Variants in FNDC11 observed in about 807,000 individuals in gnomAD.
FNDC11 encodes the protein fibronectin type III domain-containing protein 11.
Under a neutral mutation model 15.8 loss-of-function variants are expected in FNDC11, and 15 were observed. That is an observed-to-expected ratio of 0.95 (90% CI 0.63 to 1.46). The LOEUF is 1.46. Ranked by LOEUF, FNDC11 falls within the 40% of genes most tolerant of loss-of-function variation. The pLI is 0.00. For missense variants in FNDC11, 416 were observed against 443.4 expected, an observed-to-expected ratio of 0.94 and a Z score of 0.55; for synonymous variants, 190 against 203.1, an observed-to-expected ratio of 0.94 and a Z score of 0.55.
At chr20:63,553,426 A>G (rs1200455987), upstream of FNDC11, among the ~76,000 whole-genome samples, 3 of 121,188 alleles carry the variant, frequency 2.5e-5, no homozygotes, top group African/African-American at 3.2e-5. Flanking sequence ...CCGCGGTGGG[A>G]GGAGCCTGCG....
At position 63,556,068 on chromosome 20, in the gene FNDC11, T is replaced by C. The variant is rs775173644; in HGVS notation, c.405T>C (p.His135=). 1.3e-6 allele frequency: 2 copies of C among 1,599,584 alleles called. No individual in the cohort carries two copies. Among genetic ancestry groups the C allele is most frequent in the African/African-American group, 2.7e-5 (2 of 74,934 alleles). The change falls in exon 2 of 2, where the codon CAT becomes CAC. Residue 135 remains histidine, a synonymous_variant. Transcript: ENST00000370097. ...LLGDLLEQLD[H]GRAELDALLR... ...GGGACCTGTTGGAACAGCTCGACCA[T>C]GGCCGTGCTGAGCTGGATGCCCTGC...
rs767002479 is a variant in FNDC11, at chr20:63,556,009, A to G, written c.346A>G (p.Thr116Ala). ...GTTCCAGCGCATGAAGAAGGTGGGC[A>G]CAGCTCAGACCAAGATCCAGCTCCT... ...WKFQRMKKVG[T>A]AQTKIQLLLL... is the part of the protein sequence containing the mutation. The change falls in exon 2 of 2, where the codon ACA becomes GCA. Residue 116 changes from threonine (T) to alanine (A), a missense_variant. Transcript: ENST00000370097. 8 of 1,600,134 alleles carry G rather than the reference A, an allele frequency of 5.0e-6. No homozygotes were observed. The highest frequency in any genetic ancestry group is 6.8e-6 in the Non-Finnish European group (8 of 1,179,956).
chr20:63,556,398 G>A lies in FNDC11; in HGVS notation c.735G>A (p.Arg245=), dbSNP rs185496197. ...CGGAGCAGTATGAGTTGCGCTTCAG[G>A]CTGCTGGACCCGCGGACACAGCAGG... ...ATSEQYELRF[R]LLDPRTQQEC... Residue 245 remains arginine, a synonymous_variant, in exon 2 of 2, where the codon AGG becomes AGA. Coordinates refer to ENST00000370097, the MANE Select transcript of FNDC11 (RefSeq NM_001319152.2). The A allele has an allele frequency of 5.3e-4, 851 of 1,612,876 alleles. 5 individuals carry two copies. The highest frequency in any genetic ancestry group is 6.4e-5 in the Non-Finnish European group (75 of 1,180,022).
rs376172776 is a variant in FNDC11, at chr20:63,556,615, G to C, written c.952G>C (p.Val318Leu). 6 of 1,600,456 alleles carry C rather than the reference G, an allele frequency of 3.7e-6. No homozygotes were observed. Among genetic ancestry groups the C allele is most frequent in the Non-Finnish European group, 4.3e-6 (5 of 1,172,240 alleles). The change falls in exon 2 of 2, where the codon GTC (valine) becomes CTC (leucine). Residue 318 changes from valine to leucine, a missense_variant. Transcript: ENST00000370097. Reference protein sequence around the residue: ...PLEGPALSHSV With the variant: ...PLEGPALSHSL ...GGAGGGGCCCGCCCTCAGCCACTCT[G>C]TCTGAGAGATGATTTTCTAATATTT...
In FNDC11 at chr20:63,556,637, A is replaced by G. The variant is rs762353877; in HGVS notation, c.*17A>G. ...TCTGTCTGAGAGATGATTTTCTAAT[A>G]TTTATCCACTAATAAAGAAGAGTGT... On this transcript the variant is annotated 3_prime_UTR_variant, in exon 2 of 2. Coordinates refer to ENST00000370097, the MANE Select transcript of FNDC11 (RefSeq NM_001319152.2). 1.9e-6 allele frequency: 3 copies of G among 1,590,454 alleles called. No individual in the cohort carries two copies. The South Asian group carries it at 3.3e-5, about 18-fold the overall frequency.
Position 63,556,383 on chromosome 20 carries a change from T to C in FNDC11, c.720T>C (p.Tyr240=). The change falls in exon 2 of 2, where the codon TAT becomes TAC. Residue 240 remains tyrosine, a synonymous_variant. Coordinates refer to ENST00000370097, the MANE Select transcript of FNDC11 (RefSeq NM_001319152.2). ...TCCAGCCAGCCACATCGGAGCAGTATGAGTTGCGCTTCAGGCTGCTGGACC... is the reference window on the plus strand; with the variant it reads ...TCCAGCCAGCCACATCGGAGCAGTACGAGTTGCGCTTCAGGCTGCTGGACC... ...VTIQPATSEQ[Y]ELRFRLLDPR... The C allele has an allele frequency of 6.2e-7, 1 of 1,612,772 alleles. No individual in the cohort carries two copies. The highest frequency in any genetic ancestry group is 8.5e-7 in the Non-Finnish European group (1 of 1,180,008).
At chr20:63,554,790 T>A (rs951921093) in intron 1 of FNDC11, 1 of 152,248 alleles carries the variant, frequency 6.6e-6, no homozygotes, top group Non-Finnish European at 1.5e-5. Context: ...TTGTGGGTCG[T>A]CCAAGGCCCA....
chr20:63,554,555 G>T (rs1242805238), intron 1 of FNDC11: 1 of 152,286 alleles, frequency 6.6e-6, no homozygotes, highest in Non-Finnish European at 1.5e-5. Flanking sequence ...CCTCCAGCAA[G>T]AGCAGGGCTT....
intron 1 of FNDC11, 30 bp downstream of exon 1, chr20:63,554,236 G>C (rs561616028): frequency 6.5e-6 from 1 of 153,030 alleles, no homozygotes; most frequent in African/African-American, 2.4e-5. Context: ...GGGCGGCGGC[G>C]GGGGCCGGGA....
rs74433579 is a variant in FNDC11, at chr20:63,556,528, T to C, written c.865T>C (p.Ser289Pro). The C allele has an allele frequency of 1.2e-6, 2 of 1,613,466 alleles. No homozygotes were observed. Among genetic ancestry groups the C allele is most frequent in the African/African-American group, 1.3e-5 (1 of 74,896 alleles). ...YKFTIKRAET[S>P]TLVYEPWRDS... ...GTTCACCATCAAGAGGGCCGAGACC[T>C]CCACGCTGGTGTACGAGCCCTGGAG... Residue 289 changes from serine (S) to proline (P), a missense_variant, in exon 2 of 2, where the codon TCC becomes CCC. Ser to Pro is a moderately conservative substitution (Grantham distance 74, BLOSUM62 -1). Coordinates refer to ENST00000370097, the MANE Select transcript of FNDC11 (RefSeq NM_001319152.2).
chr20:63,553,423 G>A (rs1256156149), upstream of FNDC11, among the ~76,000 whole-genome samples: 1 of 151,182 alleles, frequency 6.6e-6, no homozygotes, highest in Non-Finnish European at 1.5e-5. Context: ...AGCCCGCGGT[G>A]GGAGGAGCCT....
chr20:63,556,412 G>T lies in FNDC11; in HGVS notation c.749G>T (p.Arg250Leu). The change falls in exon 2 of 2, where the codon CGG becomes CTG. Residue 250 changes from arginine to leucine, a missense_variant. By Grantham distance (102) the Arg-to-Leu change is moderately radical. Transcript: ENST00000370097. ...YELRFRLLDP[R>L]TQQECAQCGV... ...TTGCGCTTCAGGCTGCTGGACCCGC[G>T]GACACAGCAGGAGTGCGCCCAGTGT... 6.2e-7 allele frequency: 1 copy of T among 1,613,108 alleles called. No homozygotes were observed. Among genetic ancestry groups the T allele is most frequent in the Non-Finnish European group, 8.5e-7 (1 of 1,180,032 alleles).
At chr20:63,555,381 G>A in intron 1 of FNDC11, 1 of 441,142 alleles carries the variant, frequency 2.3e-6, no homozygotes, top group East Asian at 3.6e-5. Flanking sequence ...CAGGTCAGGC[G>A]GTTCTGGCCA....
intron 1 of FNDC11, chr20:63,555,274 G>C (rs1238446306): frequency 1.9e-5 from 4 of 214,970 alleles, no homozygotes; most frequent in African/African-American, 6.8e-5. Context: ...GGGATCCTGT[G>C]CTGCTTAGGA....
At chr20:63,554,640 T>TGTTCTCGAGGG (rs2082790385) in intron 1 of FNDC11, 1 of 152,320 alleles carries the variant, frequency 6.6e-6, no homozygotes, top group Non-Finnish European at 1.5e-5. Flanking sequence ...CCCAGGGGCC[T>TGTTCTCGAGGG]GTTCTCGAGG....
chr20:63,555,734 A>C lies in FNDC11; in HGVS notation c.71A>C (p.Gln24Pro). 6.2e-7 allele frequency: 1 copy of C among 1,613,202 alleles called. No individual in the cohort carries two copies. The change falls in exon 2 of 2, where the codon CAG (glutamine) becomes CCG (proline). Residue 24 changes from glutamine (Q) to proline (P), a missense_variant. Transcript: ENST00000370097. ...GGCAATCCCCAGTCCTTCCTGGACC[A>C]GGAGGAGGCAGATGACCAGCAGCTG... ...KLGNPQSFLD[Q>P]EEADDQQLLE... is the part of the protein sequence containing the mutation.
Position 63,556,619 on chromosome 20 carries a change from G to A in FNDC11, c.956G>A (p.Ter319=). The A allele has an allele frequency of 1.9e-6, 3 of 1,600,012 alleles. No individual in the cohort carries two copies. Among genetic ancestry groups the A allele is most frequent in the Non-Finnish European group, 1.7e-6 (2 of 1,171,864 alleles). Residue 319 remains the stop codon, a stop_retained_variant, in exon 2 of 2, where the codon TGA becomes TAA. Coordinates refer to ENST00000370097, the MANE Select transcript of FNDC11 (RefSeq NM_001319152.2). ...GGGCCCGCCCTCAGCCACTCTGTCT[G>A]AGAGATGATTTTCTAATATTTATCC... ...LEGPALSHSV[*]
chr20:63,556,655 A>C lies in FNDC11; in HGVS notation c.*35A>C. On this transcript the variant is annotated 3_prime_UTR_variant, in exon 2 of 2. Coordinates refer to ENST00000370097, the MANE Select transcript of FNDC11 (RefSeq NM_001319152.2). ...TTCTAATATTTATCCACTAATAAAG[A>C]AGAGTGTAAATGCACATATGGAATT... 1 of 1,559,908 alleles carries C rather than the reference A, an allele frequency of 6.4e-7. No individual in the cohort carries two copies. The highest frequency in any genetic ancestry group is 8.8e-7 in the Non-Finnish European group (1 of 1,140,188).
intron 1 of FNDC11, chr20:63,554,718 A>G (rs1276865019): frequency 1.3e-5 from 2 of 152,286 alleles, no homozygotes; most frequent in East Asian, 1.9e-4. Flanking sequence ...CTTCCCGGGC[A>G]GATATGACTT....
Sources: gnomAD v4.1 joint callset for allele counts (sites outside exome capture counted in the v4.1 genomes callset) on GRCh38, gnomAD v4.1.1 for gene constraint, MANE v1.5 for transcripts, NCBI Gene and HGNC (gene_info 2026-07-23, HGNC 2026-07-21) for gene names.